FNDC3A: variants seen among roughly 807,000 people sequenced by gnomAD.
FNDC3A encodes the protein fibronectin type-III domain-containing protein 3A.
FNDC3A carries 32 observed loss-of-function variants against 148.9 expected under a neutral mutation model. That is an observed-to-expected ratio of 0.21 (90% confidence interval 0.16 to 0.29). The LOEUF (loss-of-function observed/expected upper bound fraction) is 0.29, where lower values mean the gene tolerates loss of function less well. Ranked by LOEUF, FNDC3A falls within the 10% of genes least tolerant of loss-of-function variation. FNDC3A has a pLI of 1.00. For missense variants in FNDC3A, 1,191 were observed against 1,452.8 expected, an observed-to-expected ratio of 0.82 and a Z score of 2.93; for synonymous variants, 472 against 473.6, an observed-to-expected ratio of 1.00 and a Z score of 0.04.
chr13:49,160,235 A>T (rs539576767), intron 8 of FNDC3A, among the ~76,000 whole-genome samples: 1 of 152,162 alleles, frequency 6.6e-6, no homozygotes, highest in Admixed American at 6.5e-5. Context: ...TCAGCTATGA[A>T]TCCATCTGGT....
chr13:49,017,199 G>C (rs1480073112), intron 2 of FNDC3A, among the ~76,000 whole-genome samples: 2 of 151,964 alleles, frequency 1.3e-5, no homozygotes, highest in East Asian at 1.9e-4. Flanking sequence ...GTTGACAGTG[G>C]GGTGTTAAAG....
At chr13:49,116,149 C>T (rs529612503) in intron 4 of FNDC3A, among the ~76,000 whole-genome samples, 2 of 152,310 alleles carry the variant, frequency 1.3e-5, no homozygotes, top group African/African-American at 4.8e-5. Flanking sequence ...AGTACCTTTT[C>T]GTTTTATTTT....
intron 23 of FNDC3A, among the ~76,000 whole-genome samples, chr13:49,200,198 T>G (rs1886359108): frequency 6.6e-6 from 1 of 152,232 alleles, no homozygotes; most frequent in Non-Finnish European, 1.5e-5. Context: ...CTTTTCTGTG[T>G]TGTTTGTATC....
intron 2 of FNDC3A, among the ~76,000 whole-genome samples, chr13:49,016,762 C>T (rs1872822839): frequency 6.6e-6 from 1 of 152,094 alleles, no homozygotes. Flanking sequence ...TCCCTCTACA[C>T]ACTGCTTTGA....
intron 10 of FNDC3A, among the ~76,000 whole-genome samples, chr13:49,169,557 A>T (rs1246693242): frequency 2.6e-5 from 4 of 152,072 alleles, no homozygotes; most frequent in Non-Finnish European, 5.9e-5. Context: ...CCCCTCCTGC[A>T]TTATTGTGAT....
At chr13:49,087,202 G>A (rs1878871393) in intron 3 of FNDC3A, among the ~76,000 whole-genome samples, 2 of 152,012 alleles carry the variant, frequency 1.3e-5, no homozygotes, top group Non-Finnish European at 2.9e-5. Context: ...ATTAAAATAA[G>A]CAACAAAAAT....
intron 10 of FNDC3A, 60 bp downstream of exon 10, chr13:49,168,811 G>T (rs1034913796): frequency 6.7e-7 from 1 of 1,486,096 alleles, no homozygotes; most frequent in Admixed American, 1.9e-5. Context: ...TCCCCTGGTA[G>T]TATTAAGTTT....
intron 13 of FNDC3A, among the ~76,000 whole-genome samples, chr13:49,176,972 A>T (rs758494755): frequency 6.6e-6 from 1 of 151,850 alleles, no homozygotes; most frequent in African/African-American, 2.4e-5. Context: ...GGCTAATTTT[A>T]TTTTTTGTAG....
In FNDC3A at chr13:49,095,984, C is replaced by T. The variant is rs117801047; in HGVS notation, c.176-18671C>T. On this transcript the variant is annotated intron_variant, in intron 3 of 25. Coordinates refer to ENST00000492622, the MANE Select transcript of FNDC3A (RefSeq NM_001079673.2). ...GTTGGATGTGATTTTTAGACACTAC[C>T]TAGATATATAGAGATAGAAAAATCA... Among the ~76,000 whole-genome samples the T allele has an allele frequency of 8.5e-4, 130 of 152,138 alleles. 2 individuals are homozygous for T. In the East Asian group the frequency reaches 0.016, roughly 19 times the overall value.
In FNDC3A at chr13:49,119,493, C is replaced by T. The variant is rs551272094; in HGVS notation, c.252+4762C>T. Among the ~76,000 whole-genome samples the T allele has an allele frequency of 1.0e-3, 159 of 152,034 alleles. 1 individual carries two copies. Among genetic ancestry groups the T allele is most frequent in the African/African-American group, 3.6e-3 (148 of 41,468 alleles). On this transcript the variant is annotated intron_variant, in intron 4 of 25. Transcript: ENST00000492622. The stretch of plus-strand genomic sequence containing the variant: ...AAATCTGGACGGAGAATGAGTTTGA[C>T]GAATTGACAGAAGTAGGCTTCAGAA...
In FNDC3A at chr13:49,145,859, A is replaced by T; in HGVS notation, c.901A>T (p.Ser301Cys). The T allele has an allele frequency of 6.2e-7, 1 of 1,613,014 alleles. No homozygotes were observed. The highest frequency in any genetic ancestry group is 1.1e-5 in the South Asian group (1 of 91,048). The change falls in exon 8 of 26, where the codon AGT (serine) becomes TGT (cysteine). Residue 301 changes from serine to cysteine, a missense_variant. By Grantham distance (112) the Ser-to-Cys change is moderately radical. Coordinates refer to ENST00000492622, the MANE Select transcript of FNDC3A (RefSeq NM_001079673.2). ...CATTAATGGTGAAACAGATGAAAGT[A>T]GTGTACCAGAGCTCTATGGTTATGA... is the stretch of plus-strand genomic sequence containing the variant. ...SLINGETDES[S>C]VPELYGYEVL...
intron 2 of FNDC3A, among the ~76,000 whole-genome samples, chr13:49,049,812 C>A (rs1875702321): frequency 6.6e-6 from 1 of 152,102 alleles, no homozygotes; most frequent in African/African-American, 2.4e-5. Context: ...CTCTGCCTCC[C>A]ATGTTCAAGC....
At chr13:49,184,293 A>G (rs1885450919) in intron 14 of FNDC3A, among the ~76,000 whole-genome samples, 1 of 152,210 alleles carries the variant, frequency 6.6e-6, no homozygotes, top group Admixed American at 6.5e-5. Context: ...GTTCTGAGCT[A>G]AGCAGTGATA....
intron 3 of FNDC3A, among the ~76,000 whole-genome samples, chr13:49,096,019 A>C (rs1276860345): frequency 2.0e-5 from 3 of 152,080 alleles, no homozygotes; most frequent in Non-Finnish European, 1.5e-5. Flanking sequence ...ATTCTCCTCC[A>C]ACTTATCTAG....
At chr13:48,980,551 T>G (rs1593432264) in intron 1 of FNDC3A, among the ~76,000 whole-genome samples, 1 of 152,214 alleles carries the variant, frequency 6.6e-6, no homozygotes, top group African/African-American at 2.4e-5. Flanking sequence ...CCTAGAGATC[T>G]CTTTACAAAT....
At chr13:49,019,236 G>A (rs1234467247) in intron 2 of FNDC3A, among the ~76,000 whole-genome samples, 1 of 152,228 alleles carries the variant, frequency 6.6e-6, no homozygotes, top group Non-Finnish European at 1.5e-5. Flanking sequence ...TCAGACTGCT[G>A]TGCTAGCAAT....
intron 17 of FNDC3A, among the ~76,000 whole-genome samples, chr13:49,189,824 G>C (rs902952618): frequency 6.6e-6 from 1 of 152,188 alleles, no homozygotes. Flanking sequence ...AATATTTTGT[G>C]TTTAAAAAGA....
chr13:48,996,291 T>A (rs1419168644), intron 1 of FNDC3A, among the ~76,000 whole-genome samples: 1 of 152,192 alleles, frequency 6.6e-6, no homozygotes, highest in East Asian at 1.9e-4. Flanking sequence ...CATGTGTATG[T>A]TTAAAAATAC....
Position 49,114,644 on chromosome 13 carries a change from G to C in FNDC3A, c.176-11G>C, listed in dbSNP as rs759049351. ...TCATGGGTTAATACATCATTTATGTGACCCATTCAGGTCCTGCTCAGGTTC... is the reference window on the plus strand; with the variant it reads ...TCATGGGTTAATACATCATTTATGTCACCCATTCAGGTCCTGCTCAGGTTC... On this transcript the variant is annotated splice_polypyrimidine_tract_variant and intron_variant, in intron 3 of 25. Coordinates refer to ENST00000492622, the MANE Select transcript of FNDC3A (RefSeq NM_001079673.2). The C allele has an allele frequency of 1.3e-6, 2 of 1,593,612 alleles. No homozygotes were observed. The highest frequency in any genetic ancestry group is 3.3e-5 in the Admixed American group (2 of 59,972).
Sources: allele counts gnomAD v4.1 joint callset (sites outside exome capture counted in the v4.1 genomes callset), GRCh38; gene constraint gnomAD v4.1.1; transcripts MANE v1.5; gene names NCBI Gene and HGNC (gene_info 2026-07-23, HGNC 2026-07-21).